AP1S3: variants seen among roughly 807,000 people sequenced by gnomAD.
The protein encoded by AP1S3 is AP-1 complex subunit sigma-3.
Under a neutral mutation model 20.9 loss-of-function variants are expected in AP1S3, and 10 were observed. The ratio of observed to expected loss-of-function variants is 0.48; its 90% CI spans 0.29 to 0.81. AP1S3 has a LOEUF of 0.81. Among genes scored for constraint, AP1S3 ranks in the 30% least tolerant of loss-of-function variants. The pLI, the probability that AP1S3 is intolerant of heterozygous loss-of-function variation, is 0.08. For synonymous variants in AP1S3, 41 were observed against 61.5 expected (o/e 0.67, Z 1.56); for missense variants, 154 against 183.8 (o/e 0.84, Z 0.94).
intron 1 of AP1S3, among the ~76,000 whole-genome samples, chr2:223,789,833 AT>A (rs1287597438): frequency 5.6e-5 from 6 of 106,556 alleles, no homozygotes; most frequent in Admixed American, 1.8e-4. Context: ...ACAAGACTCT[AT>A]CAAAAAAAAA....
chr2:223,762,268 ATT>A (rs57119521), intron 4 of AP1S3, among the ~76,000 whole-genome samples: 4,353 of 104,986 alleles, frequency 0.041, 192 homozygotes, highest in African/African-American at 0.076. Flanking sequence ...GTGCCCAGCA[ATT>A]TTTTTTTTTT....
Position 223,763,531 on chromosome 2 carries a change from C to A in AP1S3, c.429+1682G>T, listed in dbSNP as rs552398389. Among the ~76,000 whole-genome samples, 4 of 152,152 alleles carry A rather than the reference C, an allele frequency of 2.6e-5. No homozygotes were observed. In the East Asian group the frequency reaches 7.7e-4, roughly 29 times the overall value. Reference sequence around the variant, plus strand: ...ACCCCCTCCACCTGCCCCCAACTCCCAGAGTATTTTATGAAACACTGTTTT... The same window carrying A: ...ACCCCCTCCACCTGCCCCCAACTCCAAGAGTATTTTATGAAACACTGTTTT... On this transcript the variant is annotated intron_variant, in intron 4 of 4. Coordinates refer to ENST00000396654, the MANE Select transcript of AP1S3 (RefSeq NM_001039569.2).
At chr2:223,769,117 T>A (rs1398087343) in intron 3 of AP1S3, among the ~76,000 whole-genome samples, 1 of 152,210 alleles carries the variant, frequency 6.6e-6, no homozygotes, top group Non-Finnish European at 1.5e-5. Context: ...TATCACAGTT[T>A]ATTTAAGCAG....
At chr2:223,802,968 T>C (rs955501155) in intron 1 of AP1S3, among the ~76,000 whole-genome samples, 7 of 152,222 alleles carry the variant, frequency 4.6e-5, no homozygotes, top group East Asian at 3.8e-4. Context: ...ACAATTAACT[T>C]AATTGTGTTA....
At chr2:223,818,624 C>T (rs1317663004) in intron 1 of AP1S3, among the ~76,000 whole-genome samples, 2 of 152,000 alleles carry the variant, frequency 1.3e-5, no homozygotes, top group Non-Finnish European at 2.9e-5. Flanking sequence ...GCAATCTCAA[C>T]TCATTGCAAC....
At chr2:223,807,448 A>G (rs1691609703) in intron 1 of AP1S3, among the ~76,000 whole-genome samples, 1 of 152,152 alleles carries the variant, frequency 6.6e-6, no homozygotes, top group African/African-American at 2.4e-5. Flanking sequence ...GTTGAGAAAG[A>G]GCCCAGTATT....
intron 1 of AP1S3, among the ~76,000 whole-genome samples, chr2:223,790,513 C>T (rs1691192513): frequency 6.6e-6 from 1 of 152,076 alleles, no homozygotes; most frequent in South Asian, 2.1e-4. Context: ...AGATTACAGG[C>T]GTGAGCCACT....
chr2:223,771,764 A>T (rs951373958), intron 3 of AP1S3, among the ~76,000 whole-genome samples: 2 of 152,248 alleles, frequency 1.3e-5, no homozygotes, highest in East Asian at 3.8e-4. Context: ...TACATGCAGC[A>T]AATGCTTCAA....
At chr2:223,789,821 G>C (rs1691169607) in intron 1 of AP1S3, among the ~76,000 whole-genome samples, 1 of 130,694 alleles carries the variant, frequency 7.7e-6, no homozygotes, top group African/African-American at 3.3e-5. Flanking sequence ...CTCGGTGATA[G>C]TACAAGACTC....
At chr2:223,816,290 G>A (rs1028060483) in intron 1 of AP1S3, among the ~76,000 whole-genome samples, 1 of 151,994 alleles carries the variant, frequency 6.6e-6, no homozygotes, top group Non-Finnish European at 1.5e-5. Context: ...ATGATAAACC[G>A]CTATGACAGA....
intron 1 of AP1S3, among the ~76,000 whole-genome samples, chr2:223,811,125 C>T (rs887414265): frequency 1.3e-5 from 2 of 150,480 alleles, no homozygotes; most frequent in African/African-American, 4.9e-5. Flanking sequence ...CAGAGTCTTG[C>T]TCTGTTGCCC....
chr2:223,762,103 G>A (rs1349018995), intron 4 of AP1S3, among the ~76,000 whole-genome samples: 1 of 151,686 alleles, frequency 6.6e-6, no homozygotes, highest in Non-Finnish European at 1.5e-5. Context: ...CTCCTGAGTA[G>A]CTGGGATTAC....
At chr2:223,820,178 TCA>T in intron 1 of AP1S3, among the ~76,000 whole-genome samples, 1 of 152,178 alleles carries the variant, frequency 6.6e-6, no homozygotes, top group Non-Finnish European at 1.5e-5. Context: ...GTTTTTTTTC[TCA>T]GACTGAAAGA....
At chr2:223,769,332 A>T (rs1473571452) in intron 3 of AP1S3, among the ~76,000 whole-genome samples, 1 of 152,250 alleles carries the variant, frequency 6.6e-6, no homozygotes, top group Non-Finnish European at 1.5e-5. Context: ...AAAACTTAAA[A>T]GTTTCACTAA....
intron 1 of AP1S3, among the ~76,000 whole-genome samples, chr2:223,829,453 C>G (rs781387166): frequency 1.3e-5 from 2 of 152,118 alleles, no homozygotes; most frequent in African/African-American, 4.8e-5. Context: ...GTGGCAAAAC[C>G]CTATCTCTAC....
intron 1 of AP1S3, among the ~76,000 whole-genome samples, chr2:223,820,833 T>C (rs1386046250): frequency 1.3e-5 from 2 of 152,154 alleles, no homozygotes; most frequent in Non-Finnish European, 2.9e-5. Context: ...CCCAAACTCA[T>C]TCTCATGGGC....
rs562888310 is a variant in AP1S3, at chr2:223,767,629, G to T, written c.292-2279C>A. 2.0e-5 allele frequency among the ~76,000 whole-genome samples: 3 copies of T among 151,858 alleles called. No individual in the cohort carries two copies. In the East Asian group the frequency reaches 5.8e-4, roughly 30 times the overall value. Reference sequence around the variant, plus strand: ...TGCAGGTAGCTCAACAAACCTAGATGACTAGCCCTGATCTCCCTCTGGGCC... The same window carrying T: ...TGCAGGTAGCTCAACAAACCTAGATTACTAGCCCTGATCTCCCTCTGGGCC... On this transcript the variant is annotated intron_variant, in intron 3 of 4. Coordinates refer to ENST00000396654, the MANE Select transcript of AP1S3 (RefSeq NM_001039569.2).
intron 1 of AP1S3, among the ~76,000 whole-genome samples, chr2:223,797,663 G>A (rs1691373818): frequency 6.6e-6 from 1 of 152,140 alleles, no homozygotes; most frequent in African/African-American, 2.4e-5. Flanking sequence ...CTACCTGGGA[G>A]GCTGAGGCAG....
Position 223,837,440 on chromosome 2 carries a change from G to A in AP1S3, c.3+8C>T, listed in dbSNP as rs758275363. ...GCCTACCCGGGCCGGCGGTTCCCCC[G>A]CACTCACCATCGTGGCTGGGCCGCC... On this transcript the variant is annotated splice_region_variant and intron_variant, in intron 1 of 4. Coordinates refer to ENST00000396654, the MANE Select transcript of AP1S3 (RefSeq NM_001039569.2). The A allele has an allele frequency of 4.2e-5, 53 of 1,248,332 alleles. No homozygotes were observed. The highest frequency in any genetic ancestry group is 4.8e-5 in the Non-Finnish European group (48 of 990,700). The allele number at this position is 1,248,332 out of a possible 1,614,324, so 77.3% of individuals were successfully genotyped here. A position where few individuals can be genotyped will look rare whatever the true frequency, so the allele number is the denominator to read the frequency against.
Sources: gnomAD v4.1 joint callset for allele counts (sites outside exome capture counted in the v4.1 genomes callset) on GRCh38, gnomAD v4.1.1 for gene constraint, MANE v1.5 for transcripts, NCBI Gene and HGNC (gene_info 2026-07-23, HGNC 2026-07-21) for gene names.